Variants in LOC128462377 observed in about 807,000 individuals in gnomAD.
chr16:89,407,809 C>T, the LOC128462377 span, among the ~76,000 whole-genome samples: 1 of 145,056 alleles, frequency 6.9e-6, no homozygotes, highest in African/African-American at 2.6e-5. Context: ...GTGATCCGGC[C>T]ACTGCACTCC....
At chr16:89,367,754 T>C in the LOC128462377 span, among the ~76,000 whole-genome samples, 1 of 152,194 alleles carries the variant, frequency 6.6e-6, no homozygotes, top group Non-Finnish European at 1.5e-5. Context: ...CCCCAGCGGC[T>C]GCATGTCCAC....
At chr16:89,348,377 G>A in the LOC128462377 span, among the ~76,000 whole-genome samples, 3 of 152,062 alleles carry the variant, frequency 2.0e-5, no homozygotes, top group East Asian at 3.8e-4. Context: ...ATGAGGTATC[G>A]CTATCCTTTC....
chr16:89,355,934 C>T, the LOC128462377 span, among the ~76,000 whole-genome samples: 2 of 152,264 alleles, frequency 1.3e-5, no homozygotes, highest in African/African-American at 4.8e-5. Context: ...CTCAGGAACG[C>T]TAAGTGACTC....
At chr16:89,347,574 G>A in the LOC128462377 span, among the ~76,000 whole-genome samples, 2 of 146,320 alleles carry the variant, frequency 1.4e-5, no homozygotes, top group South Asian at 2.1e-4. Flanking sequence ...TCACGCCACT[G>A]CATTCCAGCC....
chr16:89,405,242 C>T, the LOC128462377 span, among the ~76,000 whole-genome samples: 5 of 152,248 alleles, frequency 3.3e-5, no homozygotes, highest in South Asian at 4.1e-4. Flanking sequence ...ACCACATATG[C>T]GGTCTGTTGT....
At chr16:89,324,586 T>C in the LOC128462377 span, 3 of 450,212 alleles carry the variant, frequency 6.7e-6, no homozygotes, top group Non-Finnish European at 1.3e-5. Context: ...GGGGGCATGA[T>C]CTCATCAGCT....
the LOC128462377 span, chr16:89,320,460 CGGCAAGGCA>C: frequency 2.0e-5 from 3 of 152,382 alleles, no homozygotes; most frequent in African/African-American, 7.2e-5. Flanking sequence ...CTGTGCTGAG[CGGCAAGGCA>C]CAGCCGCGGG....
chr16:89,417,481 G>C, the LOC128462377 span, among the ~76,000 whole-genome samples: 31 of 152,282 alleles, frequency 2.0e-4, no homozygotes, highest in Admixed American at 1.6e-3. Flanking sequence ...TGCTTGCTCA[G>C]AGCCAAGGCC....
the LOC128462377 span, among the ~76,000 whole-genome samples, chr16:89,381,565 A>G: frequency 6.6e-6 from 1 of 152,184 alleles, no homozygotes; most frequent in Non-Finnish European, 1.5e-5. Context: ...TAATTATCCA[A>G]ACAAGTAACT....
the LOC128462377 span, among the ~76,000 whole-genome samples, chr16:89,343,469 G>T: frequency 6.6e-6 from 1 of 152,178 alleles, no homozygotes; most frequent in African/African-American, 2.4e-5. Flanking sequence ...GGGTACACAG[G>T]TATTCCTAAC....
chr16:89,333,897 G>C, the LOC128462377 span, among the ~76,000 whole-genome samples: 1 of 152,150 alleles, frequency 6.6e-6, no homozygotes, highest in Non-Finnish European at 1.5e-5. Context: ...CGTGTGTTGT[G>C]AACAGAGAGA....
the LOC128462377 span, among the ~76,000 whole-genome samples, chr16:89,319,512 G>A: frequency 6.6e-6 from 1 of 152,228 alleles, no homozygotes; most frequent in East Asian, 1.9e-4. Flanking sequence ...CACGATGACA[G>A]CTAAGACCAT....
chr16:89,371,491 G>C, the LOC128462377 span, among the ~76,000 whole-genome samples: 1 of 152,110 alleles, frequency 6.6e-6, no homozygotes, highest in Admixed American at 6.5e-5. Context: ...TGGTGCCCAG[G>C]CTATGTGGTC....
At chr16:89,393,013 T>C in the LOC128462377 span, among the ~76,000 whole-genome samples, 2 of 151,964 alleles carry the variant, frequency 1.3e-5, no homozygotes, top group East Asian at 3.9e-4. Context: ...TTTCTTCACA[T>C]TCTACTTCTT....
chr16:89,333,274 T>C, the LOC128462377 span, among the ~76,000 whole-genome samples: 4 of 152,180 alleles, frequency 2.6e-5, no homozygotes, highest in Non-Finnish European at 4.4e-5. Flanking sequence ...CACAGCAAAA[T>C]TGAGCATGAA....
At chr16:89,332,280 C>G in the LOC128462377 span, among the ~76,000 whole-genome samples, 1 of 152,134 alleles carries the variant, frequency 6.6e-6, no homozygotes, top group African/African-American at 2.4e-5. Context: ...AACTAAAAAC[C>G]CAACTCATGA....
the LOC128462377 span, among the ~76,000 whole-genome samples, chr16:89,398,573 A>G: frequency 2.0e-5 from 3 of 152,112 alleles, no homozygotes; most frequent in Admixed American, 1.3e-4. Context: ...TTTTTTTAAC[A>G]AAACAATAAA....
At chr16:89,382,686 C>T in the LOC128462377 span, among the ~76,000 whole-genome samples, 1 of 151,874 alleles carries the variant, frequency 6.6e-6, no homozygotes, top group Admixed American at 6.6e-5. Flanking sequence ...CACTATGTTG[C>T]CCAGGTTGGT....
chr16:89,388,783 G>A, the LOC128462377 span, among the ~76,000 whole-genome samples: 6 of 152,284 alleles, frequency 3.9e-5, no homozygotes, highest in South Asian at 4.1e-4. Flanking sequence ...ATCCCTGTCC[G>A]CAGCCCTGGG....
Sources: allele counts gnomAD v4.1 joint callset (sites outside exome capture counted in the v4.1 genomes callset), GRCh38; gene constraint gnomAD v4.1.1; transcripts MANE v1.5.